The following KIF1B variants were observed in gnomAD, a reference collection of about 807,000 sequenced individuals.
KIF1B encodes kinesin family member 1B.
KIF1B carries 76 observed loss-of-function variants against 241.9 expected under a neutral mutation model. The observed-to-expected ratio is 0.31, with a 90% CI of 0.26 to 0.38. The LOEUF (loss-of-function observed/expected upper bound fraction) is 0.38, where lower values mean the gene tolerates loss of function less well. Among genes scored for constraint, KIF1B ranks in the 10% least tolerant of loss-of-function variants. KIF1B has a pLI of 1.00. For missense variants in KIF1B, 1,622 were observed against 2,271.4 expected, an observed-to-expected ratio of 0.71 and a Z score of 5.81; for synonymous variants, 750 against 796.7, an observed-to-expected ratio of 0.94 and a Z score of 0.99.
At chr1:10,350,051 G>A (rs1569875205) in intron 37 of KIF1B, among the ~76,000 whole-genome samples, 1 of 152,174 alleles carries the variant, frequency 6.6e-6, no homozygotes, top group Non-Finnish European at 1.5e-5. Context: ...AGCACTTTAG[G>A]AGGCTGAGAT....
intron 15 of KIF1B, among the ~76,000 whole-genome samples, chr1:10,286,607 T>C (rs1279831160): frequency 6.6e-6 from 1 of 152,210 alleles, no homozygotes; most frequent in East Asian, 1.9e-4. Flanking sequence ...GTAGTAAGTG[T>C]TTTTCATGGA....
intron 45 of KIF1B, among the ~76,000 whole-genome samples, chr1:10,371,859 G>C (rs1638741955): frequency 6.6e-6 from 1 of 152,068 alleles, no homozygotes; most frequent in Non-Finnish European, 1.5e-5. Context: ...CTTGAATCCA[G>C]GAGTTCAAGG....
intron 44 of KIF1B, among the ~76,000 whole-genome samples, chr1:10,370,353 A>G (rs1638695071): frequency 6.6e-6 from 1 of 152,076 alleles, no homozygotes; most frequent in Non-Finnish European, 1.5e-5. Flanking sequence ...CTTGAGGCCA[A>G]GAGTTCAAGA....
At chr1:10,367,711 G>C (rs1422971219) in intron 43 of KIF1B, among the ~76,000 whole-genome samples, 3 of 149,842 alleles carry the variant, frequency 2.0e-5, no homozygotes, top group Non-Finnish European at 4.5e-5. Context: ...ATTTTTTGTA[G>C]GTGTTTTTTT....
Position 10,303,963 on chromosome 1 carries a change from A to C in KIF1B, c.2115+6717A>C. 6.2e-7 allele frequency: 1 copy of C among 1,613,986 alleles called. No homozygotes were observed. The highest frequency in any genetic ancestry group is 2.2e-5 in the East Asian group (1 of 44,878). ...GTCTGCGCTGGATGAGGCAAGAGCA[A>C]ATTCGGTTTAAGAACTTGCAACAGC... On this transcript the variant is annotated intron_variant, in intron 22 of 48. Coordinates refer to ENST00000676179, the MANE Select transcript of KIF1B (RefSeq NM_001365951.3). The surrounding 1 kb of genome is among the most constrained non-coding windows in gnomAD (Gnocchi z 5.2).
At chr1:10,322,768 G>T (rs1486588652) in intron 24 of KIF1B, among the ~76,000 whole-genome samples, 1 of 151,996 alleles carries the variant, frequency 6.6e-6, no homozygotes, top group Non-Finnish European at 1.5e-5. Context: ...ACTAAATAAA[G>T]GCAGTAACTG....
chr1:10,252,386 T>G (rs376593625), intron 2 of KIF1B, among the ~76,000 whole-genome samples: 4 of 149,824 alleles, frequency 2.7e-5, no homozygotes, highest in Admixed American at 6.7e-5. Context: ...TTGTGGGGTT[T>G]TTGTTGTTGT....
rs2102349707 is a variant in KIF1B, at chr1:10,365,042, C to T, written c.4367-58C>T. 1 of 1,451,474 alleles carries T rather than the reference C, an allele frequency of 6.9e-7. No homozygotes were observed. The allele number at this position is 1,451,474 out of a possible 1,614,324, so 89.9% of individuals were successfully genotyped here. ...AAAAAGAATTATTAATTCGTTTTGA[C>T]CTAAACTTGGAATTGAATTTTTTTT... is the stretch of plus-strand genomic sequence containing the variant. On this transcript the variant is annotated intron_variant, in intron 41 of 48. Transcript: ENST00000676179. This position sits in a 1 kb window ranked among gnomAD's most constrained non-coding sequence, Gnocchi z 4.0.
chr1:10,378,448 G>A lies in KIF1B; in HGVS notation c.*1861G>A. 1 of 717,748 alleles carries A rather than the reference G, an allele frequency of 1.4e-6. No individual in the cohort carries two copies. The highest frequency in any genetic ancestry group is 2.6e-6 in the Non-Finnish European group (1 of 385,154). 44.5% of individuals were successfully genotyped at this position (717,748 alleles called of 1,614,324 possible). A position where few individuals can be genotyped will look rare whatever the true frequency, so the allele number is the denominator to read the frequency against. ...AAAAAGAAAGCCTCCAGTGACTTCA[G>A]TTGCTTTGCCAGTTGTCTTGGGATT... is the stretch of plus-strand genomic sequence containing the variant. On this transcript the variant is annotated 3_prime_UTR_variant, in exon 49 of 49. Transcript: ENST00000676179.
In KIF1B at chr1:10,326,423, T is replaced by C. The variant is rs868559751; in HGVS notation, c.2924+64T>C. On this transcript the variant is annotated intron_variant, in intron 27 of 48. Coordinates refer to ENST00000676179, the MANE Select transcript of KIF1B (RefSeq NM_001365951.3). This position sits in a 1 kb window ranked among gnomAD's most constrained non-coding sequence, Gnocchi z 5.2. ...GCTCTTGCTCTGAAGGCCTCCCTGC[T>C]TGCACAATTTTGGATAACCTTGCAT... 8.1e-6 allele frequency: 13 copies of C among 1,606,374 alleles called. No homozygotes were observed. In the Middle Eastern group the frequency reaches 9.9e-4, roughly 122 times the overall value.
chr1:10,378,665 G>C lies in KIF1B; in HGVS notation c.*2078G>C, dbSNP rs920436081. On this transcript the variant is annotated 3_prime_UTR_variant, in exon 49 of 49. Coordinates refer to ENST00000676179, the MANE Select transcript of KIF1B (RefSeq NM_001365951.3). ...CCAGGGGCTTGCGCGCCTCTGCAGAGTTGTTGCTAGGGAGACTTGTGTCAT... is the reference window on the plus strand; with the variant it reads ...CCAGGGGCTTGCGCGCCTCTGCAGACTTGTTGCTAGGGAGACTTGTGTCAT... 23 of 514,854 alleles carry C rather than the reference G, an allele frequency of 4.5e-5. No homozygotes were observed. The highest frequency in any genetic ancestry group is 7.7e-5 in the Non-Finnish European group (22 of 285,716). 31.9% of individuals were successfully genotyped at this position (514,854 alleles called of 1,614,324 possible).
chr1:10,315,075 T>C (rs1651241267), intron 22 of KIF1B, among the ~76,000 whole-genome samples: 1 of 150,922 alleles, frequency 6.6e-6, no homozygotes, highest in East Asian at 1.9e-4. Flanking sequence ...TGTATACCCA[T>C]ACTTATATAT....
intron 33 of KIF1B, 72 bp from the exon 34 acceptor site, chr1:10,343,160 C>A (rs943156131): frequency 1.3e-6 from 2 of 1,502,638 alleles, no homozygotes; most frequent in Middle Eastern, 1.7e-4. Flanking sequence ...ATTTGCAGTC[C>A]AGCACAAAGG....
intron 1 of KIF1B, chr1:10,230,624 C>G (rs558067848): frequency 3.3e-5 from 5 of 151,962 alleles, no homozygotes; most frequent in African/African-American, 1.2e-4. Context: ...TTAATAGAGA[C>G]GGGGTTTCAC....
chr1:10,359,849 C>G (rs1244676750), intron 38 of KIF1B, among the ~76,000 whole-genome samples: 2 of 151,900 alleles, frequency 1.3e-5, no homozygotes, highest in Admixed American at 1.3e-4. Context: ...GCCTGGCCAA[C>G]ATGGTGAAAC....
intron 38 of KIF1B, among the ~76,000 whole-genome samples, chr1:10,355,760 T>C (rs572433964): frequency 6.6e-6 from 1 of 152,360 alleles, no homozygotes; most frequent in East Asian, 1.9e-4. Context: ...GAAGGGTTTA[T>C]TGCTTTATAA....
chr1:10,283,003 C>G (rs539287740), intron 15 of KIF1B, among the ~76,000 whole-genome samples: 2 of 151,880 alleles, frequency 1.3e-5, no homozygotes, highest in East Asian at 1.9e-4. Flanking sequence ...GTCAGGAGAT[C>G]AAGACCATCC....
intron 22 of KIF1B, among the ~76,000 whole-genome samples, chr1:10,302,839 G>T (rs76150176): frequency 0.026 from 4,018 of 152,222 alleles, 201 homozygotes; most frequent in African/African-American, 0.091. Context: ...TGACCATAGG[G>T]TGACATACTC....
intron 15 of KIF1B, among the ~76,000 whole-genome samples, chr1:10,290,185 CAGGATGCAT>C (rs1293517786): frequency 6.6e-6 from 1 of 151,456 alleles, no homozygotes; most frequent in Non-Finnish European, 1.5e-5. Flanking sequence ...CTTTACGTTC[CAGGATGCAT>C]GTGCAGAATG....
Sources: gnomAD v4.1 joint callset for allele counts (sites outside exome capture counted in the v4.1 genomes callset) on GRCh38, gnomAD v4.1.1 for gene constraint, Gnocchi (gnomAD v3.1) non-coding constraint, MANE v1.5 for transcripts, NCBI Gene and HGNC (gene_info 2026-07-23, HGNC 2026-07-21) for gene names.